DENND2B: variants seen among roughly 807,000 people sequenced by gnomAD.
The protein encoded by DENND2B is DENN domain-containing protein 2B.
Under a neutral mutation model 116.0 loss-of-function variants are expected in DENND2B, and 32 were observed. The ratio of observed to expected loss-of-function variants is 0.28; its 90% CI spans 0.21 to 0.37. The LOEUF (loss-of-function observed/expected upper bound fraction) is 0.37, where lower values mean the gene tolerates loss of function less well. Ranked by LOEUF, DENND2B falls within the 10% of genes least tolerant of loss-of-function variation. The pLI is 1.00. For synonymous variants in DENND2B, 588 were observed against 583.9 expected, an observed-to-expected ratio of 1.01 and a Z score of -0.10; for missense variants, 1,276 against 1,477.7, an observed-to-expected ratio of 0.86 and a Z score of 2.24.
At chr11:8,890,884 C>T (rs1216064817) in intron 1 of DENND2B, among the ~76,000 whole-genome samples, 1 of 152,096 alleles carries the variant, frequency 6.6e-6, no homozygotes, top group African/African-American at 2.4e-5. Flanking sequence ...TCAGGAAATA[C>T]AGAGAACACC....
At chr11:8,716,438 C>T (rs545762925) in intron 5 of DENND2B, among the ~76,000 whole-genome samples, 14 of 152,316 alleles carry the variant, frequency 9.2e-5, no homozygotes, top group Non-Finnish European at 1.8e-4. Flanking sequence ...GCTGACCTCT[C>T]ATCCCAGGGC....
chr11:8,889,675 G>A (rs2064003739), intron 1 of DENND2B, among the ~76,000 whole-genome samples: 1 of 152,232 alleles, frequency 6.6e-6, no homozygotes, highest in African/African-American at 2.4e-5. Flanking sequence ...CAAACTGCAA[G>A]GTGGCAGCGA....
At chr11:8,760,540 C>G (rs1388328854) in intron 1 of DENND2B, among the ~76,000 whole-genome samples, 4 of 152,062 alleles carry the variant, frequency 2.6e-5, no homozygotes, top group Non-Finnish European at 5.9e-5. Context: ...ATCACTTGAG[C>G]CCAGAAGTCC....
In DENND2B at chr11:8,702,873, A is replaced by C; in HGVS notation, c.2572-153T>G. 1 of 909,078 alleles carries C rather than the reference A, an allele frequency of 1.1e-6. No homozygotes were observed. Among genetic ancestry groups the C allele is most frequent in the Non-Finnish European group, 1.6e-6 (1 of 617,182 alleles). 56.3% of individuals were successfully genotyped at this position (909,078 alleles called of 1,614,324 possible). On this transcript the variant is annotated intron_variant, in intron 13 of 19. Coordinates refer to ENST00000313726, the MANE Select transcript of DENND2B (RefSeq NM_213618.2). This position sits in a 1 kb window ranked among gnomAD's most constrained non-coding sequence, Gnocchi z 4.6. ...GCTATGCAGTAAACCCCTCTTCTCC[A>C]TCCCTCGGACTACAGCTCTGCTCTC...
intron 1 of DENND2B, among the ~76,000 whole-genome samples, chr11:8,756,541 G>C (rs909534013): frequency 1.7e-4 from 26 of 152,230 alleles, no homozygotes; most frequent in African/African-American, 5.5e-4. Context: ...GGGCGCACTA[G>C]GTTAGAAACA....
At chr11:8,777,354 G>A (rs1276763162) in intron 1 of DENND2B, among the ~76,000 whole-genome samples, 1 of 152,172 alleles carries the variant, frequency 6.6e-6, no homozygotes, top group Non-Finnish European at 1.5e-5. Context: ...CCTGCCCAGG[G>A]GAGACAAATG....
At chr11:8,758,677 C>G (rs979994738) in intron 1 of DENND2B, among the ~76,000 whole-genome samples, 2 of 152,212 alleles carry the variant, frequency 1.3e-5, no homozygotes, top group African/African-American at 4.8e-5. Flanking sequence ...TTTACCATCA[C>G]TGTGTGCACT....
chr11:8,810,810 C>CTTTT (rs2061331643), upstream of DENND2B: 1 of 149,500 alleles, frequency 6.7e-6, no homozygotes, highest in Non-Finnish European at 1.5e-5. Context: ...CTCACTGTCT[C>CTTTT]TCTCTCTCTC....
chr11:8,863,346 T>TCCCAGGTTCACACCATGCTCCTGC (rs543669262), intron 2 of DENND2B, among the ~76,000 whole-genome samples: 1 of 81,300 alleles, frequency 1.2e-5, no homozygotes, highest in Non-Finnish European at 2.5e-5. Context: ...AAGCTCCACC[T>TCCCAGGTTCACACCATGCTCCTGC]CTCAGCCTCC....
chr11:8,894,804 C>A (rs1409476215), intron 1 of DENND2B, among the ~76,000 whole-genome samples: 2 of 152,140 alleles, frequency 1.3e-5, no homozygotes, highest in African/African-American at 4.8e-5. Context: ...GTTGGTGGGA[C>A]TGTAAACTAG....
At chr11:8,798,111 C>T (rs532376301) in intron 1 of DENND2B, among the ~76,000 whole-genome samples, 6 of 152,302 alleles carry the variant, frequency 3.9e-5, no homozygotes, top group African/African-American at 1.4e-4. Flanking sequence ...GAGCTCACAG[C>T]ACTATCTTGA....
At chr11:8,744,443 A>G (rs1040584703) in intron 2 of DENND2B, among the ~76,000 whole-genome samples, 4 of 152,094 alleles carry the variant, frequency 2.6e-5, no homozygotes, top group Non-Finnish European at 4.4e-5. Context: ...CAACCCATGA[A>G]GTTTTTAAAG....
chr11:8,856,757 T>C (rs2063209108), intron 3 of DENND2B, among the ~76,000 whole-genome samples: 1 of 151,552 alleles, frequency 6.6e-6, no homozygotes. Context: ...ATTTTCTTTT[T>C]TTTTTTTTTC....
chr11:8,717,667 C>CGGAT, intron 5 of DENND2B, 74 bp downstream of exon 5: 2 of 1,464,448 alleles, frequency 1.4e-6, no homozygotes, highest in Non-Finnish European at 1.8e-6. Context: ...GAAGCTGGGC[C>CGGAT]CAAGTCTTGG....
At chr11:8,756,000 T>C (rs1432072138) in intron 1 of DENND2B, among the ~76,000 whole-genome samples, 2 of 152,186 alleles carry the variant, frequency 1.3e-5, no homozygotes, top group Non-Finnish European at 2.9e-5. Flanking sequence ...CTCTGGACAT[T>C]TTCTCAGGCC....
rs1394225655 is a variant in DENND2B at position 8,807,079 on chromosome 11, AGGAAGGCCAAGCCAGGGCTC to A, written c.-26+3418_-26+3437del. Among the ~76,000 whole-genome samples, 102 of 152,260 alleles carry A rather than the reference AGGAAGGCCAAGCCAGGGCTC, an allele frequency of 6.7e-4. 1 individual carries two copies. The highest frequency in any genetic ancestry group is 4.6e-4 in the Admixed American group (7 of 15,296). On this transcript the variant is annotated intron_variant, in intron 1 of 19. Transcript: ENST00000313726. ...TCCCAAGCCCATGCAGAGGCACAGAAGGAAGGCCAAGCCAGGGCTCGGAAGGGCTGCTGCCAGGCCTCCTC... is the reference window on the plus strand; with the variant it reads ...TCCCAAGCCCATGCAGAGGCACAGAAGGAAGGGCTGCTGCCAGGCCTCCTC...
At chr11:8,754,109 T>G (rs1414517477) in intron 1 of DENND2B, among the ~76,000 whole-genome samples, 1 of 151,462 alleles carries the variant, frequency 6.6e-6, no homozygotes, top group Non-Finnish European at 1.5e-5. Context: ...TTTTGTGCTG[T>G]AAGCAATACC....
intron 1 of DENND2B, among the ~76,000 whole-genome samples, chr11:8,906,995 C>T (rs2742522): frequency 0.83 from 125,587 of 152,128 alleles, 55,415 homozygotes; most frequent in Non-Finnish European, 0.96. Context: ...TTTTTGGCCC[C>T]CTTCACATAA....
At chr11:8,771,391 A>AGT (rs146509652) in intron 1 of DENND2B, among the ~76,000 whole-genome samples, 1,513 of 151,168 alleles carry the variant, frequency 0.01, 9 homozygotes, top group Non-Finnish European at 0.015. Flanking sequence ...AGGGGCTGTG[A>AGT]GTGTGTGTGT....
Sources: gnomAD v4.1 joint callset for allele counts (sites outside exome capture counted in the v4.1 genomes callset) on GRCh38, gnomAD v4.1.1 for gene constraint, Gnocchi (gnomAD v3.1) non-coding constraint, MANE v1.5 for transcripts, NCBI Gene and HGNC (gene_info 2026-07-23, HGNC 2026-07-21) for gene names.